SHROOM3: variants seen among roughly 807,000 people sequenced by gnomAD.
The protein encoded by SHROOM3 is shroom family member 3, also known as protein Shroom3.
A neutral mutation model predicts 138.6 loss-of-function variants in SHROOM3; 47 were observed. The ratio of observed to expected loss-of-function variants is 0.34; its 90% CI spans 0.27 to 0.43. The LOEUF (loss-of-function observed/expected upper bound fraction) is 0.43, where lower values mean the gene tolerates loss of function less well. Ranked by LOEUF, SHROOM3 falls within the 20% of genes least tolerant of loss-of-function variation. The probability of loss-of-function intolerance (pLI) is 1.00; values close to 1 mark genes in which losing one functional copy is unlikely to be tolerated. For synonymous variants in SHROOM3, 1,062 were observed against 1,063.3 expected (o/e 1.00, Z 0.02); for missense variants, 2,491 against 2,596.5 (o/e 0.96, Z 0.88).
intron 2 of SHROOM3, among the ~76,000 whole-genome samples, chr4:76,595,931 C>T (rs1036695927): frequency 2.6e-5 from 4 of 152,178 alleles, no homozygotes; most frequent in Non-Finnish European, 5.9e-5. Flanking sequence ...AGAACTCTTG[C>T]AGTTGTTAAT....
chr4:76,533,073 A>G (rs1455337903), intron 1 of SHROOM3, among the ~76,000 whole-genome samples: 1 of 152,204 alleles, frequency 6.6e-6, no homozygotes, highest in African/African-American at 2.4e-5. Context: ...TCTACTCAGA[A>G]CAGTGCAGAA....
intron 6 of SHROOM3, among the ~76,000 whole-genome samples, chr4:76,751,245 A>G (rs1721613841): frequency 1.3e-5 from 2 of 152,200 alleles, no homozygotes; most frequent in Non-Finnish European, 2.9e-5. Flanking sequence ...TCAACTGGAC[A>G]ATATTGAAAT....
chr4:76,727,327 C>T (rs1263830773), intron 3 of SHROOM3, among the ~76,000 whole-genome samples: 1 of 152,124 alleles, frequency 6.6e-6, no homozygotes, highest in Non-Finnish European at 1.5e-5. Context: ...AACCCTTACT[C>T]CCAGACTTAC....
chr4:76,549,980 C>A (rs1733314469), intron 1 of SHROOM3, among the ~76,000 whole-genome samples: 1 of 152,168 alleles, frequency 6.6e-6, no homozygotes, highest in Admixed American at 6.5e-5. Flanking sequence ...AAGCAAACTT[C>A]CCAGGGCTCC....
chr4:76,481,058 T>A (rs1731597508), intron 1 of SHROOM3, among the ~76,000 whole-genome samples: 1 of 151,734 alleles, frequency 6.6e-6, no homozygotes, highest in Non-Finnish European at 1.5e-5. Flanking sequence ...CACCCTAACA[T>A]CACAATTAAA....
chr4:76,745,364 G>A (rs542055111), intron 5 of SHROOM3, among the ~76,000 whole-genome samples: 22 of 152,260 alleles, frequency 1.4e-4, no homozygotes, highest in East Asian at 3.9e-4. Context: ...TATTTCCCCC[G>A]GATGCTGAGT....
chr4:76,639,675 A>G (rs1483531231), intron 2 of SHROOM3: 11 of 398,258 alleles, frequency 2.8e-5, no homozygotes, highest in Non-Finnish European at 3.1e-5. Context: ...TGTGTTTCCT[A>G]TTAGCCAGTA....
At chr4:76,633,656 CAAAAAAAAA>C (rs869138315) in intron 2 of SHROOM3, among the ~76,000 whole-genome samples, 3 of 88,760 alleles carry the variant, frequency 3.4e-5, no homozygotes, top group African/African-American at 1.3e-4. Flanking sequence ...GACTCCGTCT[CAAAAAAAAA>C]AAAAAAAAAA....
intron 2 of SHROOM3, among the ~76,000 whole-genome samples, chr4:76,661,982 C>A (rs1008776017): frequency 6.6e-6 from 1 of 152,172 alleles, no homozygotes; most frequent in African/African-American, 2.4e-5. Context: ...TGTTCCATAA[C>A]CTTCCCAACA....
intron 9 of SHROOM3, among the ~76,000 whole-genome samples, chr4:76,761,272 A>G (rs1403595063): frequency 1.3e-5 from 2 of 152,104 alleles, no homozygotes. Flanking sequence ...ATCACTTTCA[A>G]TTATCACCCT....
At chr4:76,642,900 C>G (rs1381889827) in intron 2 of SHROOM3, among the ~76,000 whole-genome samples, 4 of 151,998 alleles carry the variant, frequency 2.6e-5, no homozygotes, top group Non-Finnish European at 5.9e-5. Flanking sequence ...CCAGAGTTTT[C>G]TCTCTAAATG....
At chr4:76,512,369 T>C (rs932920913) in intron 1 of SHROOM3, among the ~76,000 whole-genome samples, 1 of 152,170 alleles carries the variant, frequency 6.6e-6, no homozygotes, top group East Asian at 1.9e-4. Flanking sequence ...GAGCCTTTTT[T>C]TTTCAGAGAG....
chr4:76,772,218 C>T (rs1207477927), intron 10 of SHROOM3, among the ~76,000 whole-genome samples: 2 of 151,506 alleles, frequency 1.3e-5, no homozygotes, highest in Non-Finnish European at 2.9e-5. Context: ...ATTCTCATGC[C>T]TCGGCCTCCC....
In SHROOM3 at chr4:76,778,918, A is replaced by G. The variant is rs749382171; in HGVS notation, c.5732A>G (p.Asn1911Ser). ...RERVVLGILA[N>S]YLSEEQLQDY... ...CGAGTAGTGCTGGGCATCTTGGCCA[A>G]TTACCTTTCAGAGGAGCAGCTCCAG... The change falls in exon 11 of 11, where the codon AAT becomes AGT. Residue 1911 changes from asparagine (N) to serine (S), a missense_variant. Asn to Ser is a conservative substitution (Grantham distance 46). Transcript: ENST00000296043. 4.8e-5 allele frequency: 77 copies of G among 1,613,638 alleles called. No homozygotes were observed. The highest frequency in any genetic ancestry group is 1.7e-4 in the Middle Eastern group (1 of 5,738).
rs369117542 is a variant in SHROOM3 at position 76,548,742 on chromosome 4, AT to A, written c.169-6866del. ...TATGTCAGAAAAGTAACACTGTGTC[AT>A]CAAAGCAAAGTCGACTTCTCCTATA... is the stretch of plus-strand genomic sequence containing the variant. On this transcript the variant is annotated intron_variant, in intron 1 of 10. Transcript: ENST00000296043. 3.1e-4 allele frequency among the ~76,000 whole-genome samples: 47 copies of A among 152,358 alleles called. No homozygotes were observed. In the East Asian group the frequency reaches 8.1e-3, roughly 26 times the overall value.
intron 2 of SHROOM3, among the ~76,000 whole-genome samples, chr4:76,708,909 G>A (rs1184431416): frequency 6.6e-6 from 1 of 152,154 alleles, no homozygotes; most frequent in Non-Finnish European, 1.5e-5. Context: ...GCACTATATT[G>A]AATATATCCA....
At chr4:76,551,106 A>G (rs1733343607) in intron 1 of SHROOM3, among the ~76,000 whole-genome samples, 1 of 148,398 alleles carries the variant, frequency 6.7e-6, no homozygotes, top group Non-Finnish European at 1.5e-5. Context: ...CCTGGGCCCA[A>G]GCGATCCTCC....
chr4:76,538,442 G>T (rs1488879188), intron 1 of SHROOM3, among the ~76,000 whole-genome samples: 3 of 152,152 alleles, frequency 2.0e-5, no homozygotes, highest in African/African-American at 7.2e-5. Context: ...CATCTGTGAG[G>T]ATATGGGTGT....
At chr4:76,774,993 G>A (rs569466064) in intron 10 of SHROOM3, among the ~76,000 whole-genome samples, 60 of 151,858 alleles carry the variant, frequency 4.0e-4, no homozygotes, top group Non-Finnish European at 7.4e-4. Context: ...TGGGGAACAG[G>A]TGGTGTTTTG....
Sources: gnomAD v4.1 joint callset for allele counts (sites outside exome capture counted in the v4.1 genomes callset) on GRCh38, gnomAD v4.1.1 for gene constraint, MANE v1.5 for transcripts, NCBI Gene and HGNC (gene_info 2026-07-23, HGNC 2026-07-21) for gene names.